The following TBC1D2 variants were observed in gnomAD, a reference collection of about 807,000 sequenced individuals.
The protein encoded by TBC1D2 is TBC1 domain family member 2A.
A neutral mutation model predicts 91.1 loss-of-function variants in TBC1D2; 58 were observed. The ratio of observed to expected loss-of-function variants is 0.64; its 90% confidence interval spans 0.52 to 0.79. The LOEUF (loss-of-function observed/expected upper bound fraction) is 0.79, where lower values mean the gene tolerates loss of function less well. Among genes scored for constraint, TBC1D2 ranks in the 30% least tolerant of loss-of-function variants. TBC1D2 has a pLI of 0.00. For synonymous variants in TBC1D2, 482 were observed against 511.5 expected (o/e 0.94, Z 0.78); for missense variants, 1,080 against 1,208.3 (o/e 0.89, Z 1.57).
At chr9:98,214,846 C>T (rs142525679) in intron 6 of TBC1D2, among the ~76,000 whole-genome samples, 159 of 152,266 alleles carry the variant, frequency 1.0e-3, no homozygotes, top group African/African-American at 3.7e-3. Context: ...GGGGAGGGAA[C>T]GAATGCCCCC....
chr9:98,200,481 C>T, intron 11 of TBC1D2, 107 bp from the exon 12 acceptor site: 1 of 1,028,862 alleles, frequency 9.7e-7, no homozygotes, highest in Non-Finnish European at 1.3e-6. Context: ...CCTGGACTGG[C>T]TGCGGAAGTT....
At chr9:98,238,145 C>T (rs189546643) in intron 3 of TBC1D2, among the ~76,000 whole-genome samples, 2 of 136,382 alleles carry the variant, frequency 1.5e-5, no homozygotes, top group East Asian at 3.9e-4. Flanking sequence ...CTCAAGTGAT[C>T]TGCCCACCTT....
chr9:98,251,671 C>A, intron 2 of TBC1D2, 114 bp downstream of exon 2: 1 of 1,405,568 alleles, frequency 7.1e-7, no homozygotes, highest in Non-Finnish European at 9.3e-7. Flanking sequence ...GAGTCATATC[C>A]CTGGCTCTCT....
chr9:98,255,519 G>A lies in TBC1D2; in HGVS notation c.23C>T (p.Ala8Val). 1 of 1,536,490 alleles carries A rather than the reference G, an allele frequency of 6.5e-7. No homozygotes were observed. Among genetic ancestry groups the A allele is most frequent in the Non-Finnish European group, 8.8e-7 (1 of 1,140,746 alleles). Residue 8 changes from alanine (A) to valine (V), a missense_variant, in exon 1 of 13, where the codon GCC becomes GTC. By Grantham distance (64) the Ala-to-Val change is moderately conservative. Coordinates refer to ENST00000465784, the MANE Select transcript of TBC1D2 (RefSeq NM_001267571.2). MEGAGEN[A>V]PESSSSAPGS... ...AGGGGCAGAGGAGCTGGACTCCGGG[G>A]CGTTCTCCCCAGCGCCCTCCATCGC...
In TBC1D2 at chr9:98,232,342, G is replaced by GTTTTTTTTT. The variant is rs753455224; in HGVS notation, c.781+1065_781+1073dup. Among the ~76,000 whole-genome samples, 40 of 86,776 alleles carry GTTTTTTTTT rather than the reference G, an allele frequency of 4.6e-4. 3 individuals are homozygous for GTTTTTTTTT. Among genetic ancestry groups the GTTTTTTTTT allele is most frequent in the African/African-American group, 1.6e-3 (36 of 21,994 alleles). The allele number at this position is 86,776 out of a possible 152,430, so 56.9% of individuals were successfully genotyped here. ...TTTCTTTTCTTCTTTCTCTTTTTCT[G>GTTTTTTTTT]TTTTTTTTTTTGACAGTGTCTCACT... On this transcript the variant is annotated intron_variant, in intron 4 of 12. Coordinates refer to ENST00000465784, the MANE Select transcript of TBC1D2 (RefSeq NM_001267571.2).
intron 10 of TBC1D2, 127 bp from the exon 11 acceptor site, chr9:98,201,791 C>A: frequency 3.3e-6 from 3 of 918,650 alleles, no homozygotes; most frequent in Non-Finnish European, 4.8e-6. Context: ...TCCTTTCCTG[C>A]CCAGGAGACA....
In TBC1D2 at chr9:98,255,321, C is replaced by T; in HGVS notation, c.221G>A (p.Arg74Lys). 6.2e-7 allele frequency: 1 copy of T among 1,614,260 alleles called. No homozygotes were observed. Among genetic ancestry groups the T allele is most frequent in the Non-Finnish European group, 8.5e-7 (1 of 1,180,050 alleles). The change falls in exon 1 of 13, where the codon AGG (arginine) becomes AAG (lysine). Residue 74 changes from arginine (R) to lysine (K), a missense_variant. Transcript: ENST00000465784. ...WKSRWFFYDE[R>K]KCQLYYSRTA... ...CCGCGAGTAATACAGCTGACATTTC[C>T]TTTCGTCGTAGAAGAACCAGCGGGA...
At position 98,233,497 on chromosome 9, in the gene TBC1D2, C is replaced by G. The variant is rs201287054; in HGVS notation, c.700G>C (p.Glu234Gln). 2.5e-6 allele frequency: 4 copies of G among 1,614,190 alleles called. No homozygotes were observed. In the East Asian group the frequency reaches 8.9e-5, roughly 36 times the overall value. The change falls in exon 4 of 13, where the codon GAA (glutamate) becomes CAA (glutamine). Residue 234 changes from glutamate (E) to glutamine (Q), a missense_variant. By Grantham distance (29) the Glu-to-Gln change is conservative. Transcript: ENST00000465784. The stretch of plus-strand genomic sequence containing the variant: ...TGTGGAGAATCTTCCCCTGGAGGTT[C>G]ATGGCCTGTTCCCTGGGCCTGCTTG... ...GNKQAQGTGHEPPGEDSPQSG... is the reference protein window; with the variant it reads ...GNKQAQGTGHQPPGEDSPQSG...
chr9:98,252,542 C>T (rs16914245), intron 1 of TBC1D2, among the ~76,000 whole-genome samples: 5,484 of 152,264 alleles, frequency 0.036, 183 homozygotes, highest in African/African-American at 0.081. Flanking sequence ...CACTGGCTGG[C>T]GGTTGGTCCA....
Position 98,208,534 on chromosome 9 carries a change from T to C in TBC1D2, c.2150+134A>G, listed in dbSNP as rs1361664467. 3.6e-6 allele frequency: 3 copies of C among 823,508 alleles called. No individual in the cohort carries two copies. The East Asian group carries it at 7.5e-5, about 21-fold the overall frequency. 51.0% of individuals were successfully genotyped at this position (823,508 alleles called of 1,614,324 possible). On this transcript the variant is annotated intron_variant, in intron 9 of 12. Transcript: ENST00000465784. ...AGGCAGAGCTCAGGTGGTAATGCTC[T>C]CTCGCCCACTGCTCACCTCCTGCTG...
intron 3 of TBC1D2, 56 bp downstream of exon 3, chr9:98,243,938 T>G: frequency 6.4e-7 from 1 of 1,567,386 alleles, no homozygotes; most frequent in South Asian, 1.2e-5. Context: ...TGGGTCAAGC[T>G]CCACTGAAGG....
chr9:98,242,807 T>A (rs1025453392), intron 3 of TBC1D2, among the ~76,000 whole-genome samples: 1 of 70,698 alleles, frequency 1.4e-5, no homozygotes, highest in Non-Finnish European at 3.2e-5. Flanking sequence ...TGCTGCCTTT[T>A]TTTTTTTTTT....
intron 3 of TBC1D2, among the ~76,000 whole-genome samples, chr9:98,240,630 T>C (rs1320844499): frequency 1.3e-5 from 2 of 152,208 alleles, no homozygotes; most frequent in African/African-American, 4.8e-5. Context: ...TAATCATCAC[T>C]GCTGCCCACA....
chr9:98,219,850 G>A (rs935742084), intron 6 of TBC1D2, among the ~76,000 whole-genome samples: 1 of 152,198 alleles, frequency 6.6e-6, no homozygotes, highest in Non-Finnish European at 1.5e-5. Context: ...TGAGTGGCAG[G>A]GTTTGGGGCA....
rs139045055 is a variant in TBC1D2, at chr9:98,233,530, G to A, written c.667C>T (p.Arg223Cys). ...TEIQNTMHNIRGNKQAQGTGH... is the reference protein window; with the variant it reads ...TEIQNTMHNICGNKQAQGTGH... ...GTTCCCTGGGCCTGCTTGTTGCCACGGATGTTGTGCATTGTGTTCCTGAAA... is the reference window on the plus strand; with the variant it reads ...GTTCCCTGGGCCTGCTTGTTGCCACAGATGTTGTGCATTGTGTTCCTGAAA... The change falls in exon 4 of 13, where the codon CGT (arginine) becomes TGT (cysteine). Residue 223 changes from arginine (R) to cysteine (C), a missense_variant. Physicochemically the swap from Arg to Cys is radical, Grantham distance 180 (BLOSUM62 -3). Coordinates refer to ENST00000465784, the MANE Select transcript of TBC1D2 (RefSeq NM_001267571.2). 2.9e-4 allele frequency: 476 copies of A among 1,614,122 alleles called. No homozygotes were observed. Among genetic ancestry groups the A allele is most frequent in the African/African-American group, 5.3e-4 (40 of 75,034 alleles).
At chr9:98,217,247 A>G (rs915212319) in intron 6 of TBC1D2, among the ~76,000 whole-genome samples, 2 of 152,240 alleles carry the variant, frequency 1.3e-5, no homozygotes, top group Non-Finnish European at 2.9e-5. Flanking sequence ...GCCACAGGAC[A>G]GTCACCAGTG....
intron 4 of TBC1D2, among the ~76,000 whole-genome samples, chr9:98,230,889 C>T (rs879265850): frequency 3.3e-5 from 5 of 152,146 alleles, no homozygotes; most frequent in East Asian, 1.9e-4. Context: ...TCAAAACAAA[C>T]GAACAAAACA....
chr9:98,214,168 C>T (rs1025135639), intron 6 of TBC1D2, among the ~76,000 whole-genome samples: 1 of 152,294 alleles, frequency 6.6e-6, no homozygotes, highest in Non-Finnish European at 1.5e-5. Context: ...GCAAGCGATG[C>T]TGCAGCAAGG....
intron 3 of TBC1D2, among the ~76,000 whole-genome samples, chr9:98,236,116 G>A (rs1471642076): frequency 2.6e-5 from 4 of 151,698 alleles, no homozygotes; most frequent in African/African-American, 9.7e-5. Flanking sequence ...ACACATACTT[G>A]TCTTAAACTG....
Sources: allele counts gnomAD v4.1 joint callset (sites outside exome capture counted in the v4.1 genomes callset), GRCh38; gene constraint gnomAD v4.1.1; transcripts MANE v1.5; gene names NCBI Gene and HGNC (gene_info 2026-07-23, HGNC 2026-07-21).